The following MGAT4C variants were observed in gnomAD, a reference collection of about 807,000 sequenced individuals.
The protein encoded by MGAT4C is MGAT4 family member C.
In MGAT4C, 19 loss-of-function variants were observed where a neutral mutation model predicts 40.1. That is an observed-to-expected ratio of 0.47 (90% CI 0.33 to 0.70). The LOEUF is 0.70. Ranked by LOEUF, MGAT4C falls within the 30% of genes least tolerant of loss-of-function variation. MGAT4C has a pLI of 0.02. For synonymous variants in MGAT4C, 181 were observed against 187.1 expected (o/e 0.97, Z 0.27); for missense variants, 491 against 563.2 (o/e 0.87, Z 1.30).
intron 2 of MGAT4C, among the ~76,000 whole-genome samples, chr12:86,524,720 G>T (rs1156850513): frequency 2.0e-5 from 3 of 151,724 alleles, no homozygotes; most frequent in African/African-American, 7.3e-5. Flanking sequence ...TCTTACATTT[G>T]GTATCTTTAT....
rs575542975 is a variant in MGAT4C, at chr12:86,709,249, C to T, written c.-229+17960G>A. On this transcript the variant is annotated intron_variant, in intron 2 of 7. Coordinates refer to the MGAT4C transcript ENST00000548651. Reference sequence around the variant, plus strand: ...CCTGCCTGTTGCCATCCATGTAAGACGTAACTTGCTCCTCTTTACCTTTCA... The same window carrying T: ...CCTGCCTGTTGCCATCCATGTAAGATGTAACTTGCTCCTCTTTACCTTTCA... Among the ~76,000 whole-genome samples the T allele has an allele frequency of 9.9e-5, 15 of 152,222 alleles. No individual in the cohort carries two copies. In the East Asian group the frequency reaches 1.4e-3, roughly 14 times the overall value.
intron 1 of MGAT4C, among the ~76,000 whole-genome samples, chr12:86,744,544 G>A (rs1224672502): frequency 1.3e-5 from 2 of 151,370 alleles, no homozygotes; most frequent in Non-Finnish European, 3.0e-5. Flanking sequence ...CCGTGGATTG[G>A]TTTAATGGAT....
intron 4 of MGAT4C, among the ~76,000 whole-genome samples, chr12:85,980,982 C>A (rs942867078): frequency 6.6e-6 from 1 of 151,608 alleles, no homozygotes; most frequent in Admixed American, 6.6e-5. Context: ...CTTTTTTTTG[C>A]TGTCATTATG....
intron 2 of MGAT4C, among the ~76,000 whole-genome samples, chr12:86,521,686 C>T (rs1958797170): frequency 6.6e-6 from 1 of 151,694 alleles, no homozygotes; most frequent in Admixed American, 6.6e-5. Flanking sequence ...CTATAAATTG[C>T]TTTGGGCAGT....
chr12:86,324,749 C>A (rs1954486159), intron 4 of MGAT4C, among the ~76,000 whole-genome samples: 1 of 150,178 alleles, frequency 6.7e-6, no homozygotes, highest in Non-Finnish European at 1.5e-5. Flanking sequence ...ATCAATATTT[C>A]TTTTCCAGAA....
intron 4 of MGAT4C, among the ~76,000 whole-genome samples, chr12:86,310,934 CA>C (rs1954057863): frequency 6.6e-6 from 1 of 152,120 alleles, no homozygotes; most frequent in South Asian, 2.1e-4. Flanking sequence ...AAAAAACAAA[CA>C]AACAAAAAAA....
At chr12:86,805,252 G>A (rs986866850) in intron 1 of MGAT4C, among the ~76,000 whole-genome samples, 11 of 151,738 alleles carry the variant, frequency 7.2e-5, no homozygotes, top group African/African-American at 2.7e-4. Flanking sequence ...GCAGTTATGT[G>A]TGCAGATTTG....
At chr12:86,184,390 C>T (rs1050842106) in intron 1 of MGAT4C, among the ~76,000 whole-genome samples, 1 of 150,708 alleles carries the variant, frequency 6.6e-6, no homozygotes, top group African/African-American at 2.4e-5. Context: ...AAAAAAAAAG[C>T]TTTTACTTTT....
At chr12:86,116,739 T>C (rs1032003627) in intron 1 of MGAT4C, among the ~76,000 whole-genome samples, 2 of 152,068 alleles carry the variant, frequency 1.3e-5, no homozygotes, top group East Asian at 3.9e-4. Context: ...ATTGTATTCA[T>C]TGTTAATAAG....
Position 85,967,793 on chromosome 12 carries a change from T to G in MGAT4C, c.*11496A>C, listed in dbSNP as rs1326202355. 6.6e-6 allele frequency: 1 copy of G among 152,102 alleles called. No homozygotes were observed. The highest frequency in any genetic ancestry group is 1.5e-5 in the Non-Finnish European group (1 of 67,950). 9.4% of individuals were successfully genotyped at this position (152,102 alleles called of 1,614,324 possible). ...GTTGGAATTGATATAGGGGAATCCT[T>G]GGAACTATGTGTGAATATGTGTGTG... On this transcript the variant is annotated 3_prime_UTR_variant, in exon 5 of 5. Coordinates refer to ENST00000611864, the MANE Select transcript of MGAT4C (RefSeq NM_001351288.2).
intron 2 of MGAT4C, among the ~76,000 whole-genome samples, chr12:86,618,140 C>T (rs1962516802): frequency 6.6e-6 from 1 of 152,036 alleles, no homozygotes; most frequent in Non-Finnish European, 1.5e-5. Flanking sequence ...ATCATCTTAT[C>T]CAAGTTAGAA....
intron 1 of MGAT4C, among the ~76,000 whole-genome samples, chr12:86,127,231 T>A (rs1024449322): frequency 6.6e-6 from 1 of 152,218 alleles, no homozygotes; most frequent in African/African-American, 2.4e-5. Context: ...GCTACAAACC[T>A]GTACAGTATG....
intron 2 of MGAT4C, among the ~76,000 whole-genome samples, chr12:86,459,666 C>T (rs1356539508): frequency 8.6e-6 from 1 of 116,520 alleles, no homozygotes; most frequent in Admixed American, 9.8e-5. Flanking sequence ...CCAACCTTCC[C>T]CGCCCCCACT....
intron 2 of MGAT4C, among the ~76,000 whole-genome samples, chr12:86,633,351 A>G: frequency 6.6e-6 from 1 of 152,088 alleles, no homozygotes; most frequent in East Asian, 1.9e-4. Flanking sequence ...TTAGGTATCA[A>G]AGGTCATTTA....
chr12:86,370,730 T>G (rs2136211122), intron 3 of MGAT4C, among the ~76,000 whole-genome samples: 1 of 152,206 alleles, frequency 6.6e-6, no homozygotes, highest in Non-Finnish European at 1.5e-5. Flanking sequence ...TTGCCTTTTT[T>G]TCTTCCCCTA....
At chr12:86,573,922 T>C (rs1413412044) in intron 2 of MGAT4C, among the ~76,000 whole-genome samples, 1 of 151,974 alleles carries the variant, frequency 6.6e-6, no homozygotes, top group African/African-American at 2.4e-5. Flanking sequence ...CTTGAACAGA[T>C]ATCTTCAAAG....
intron 4 of MGAT4C, among the ~76,000 whole-genome samples, chr12:86,277,983 A>G (rs1261758316): frequency 6.6e-6 from 1 of 152,140 alleles, no homozygotes; most frequent in Admixed American, 6.5e-5. Context: ...GATTGCTTTG[A>G]GTAGTATGGA....
At chr12:86,582,814 T>C (rs1351430939) in intron 2 of MGAT4C, among the ~76,000 whole-genome samples, 1 of 151,214 alleles carries the variant, frequency 6.6e-6, no homozygotes, top group Non-Finnish European at 1.5e-5. Flanking sequence ...ACTCCCAGAC[T>C]GTATCCAGTA....
intron 4 of MGAT4C, among the ~76,000 whole-genome samples, chr12:86,298,656 G>T (rs59825927): frequency 5.3e-5 from 8 of 152,162 alleles, no homozygotes; most frequent in Non-Finnish European, 1.0e-4. Flanking sequence ...TTGTTTTGGA[G>T]AAATTTTAAT....
Sources: gnomAD v4.1 joint callset for allele counts (sites outside exome capture counted in the v4.1 genomes callset) on GRCh38, gnomAD v4.1.1 for gene constraint, MANE v1.5 for transcripts, NCBI Gene and HGNC (gene_info 2026-07-23, HGNC 2026-07-21) for gene names.